Variants in ZNF573 observed in about 807,000 individuals in gnomAD.
The protein encoded by ZNF573 is zinc finger protein 573.
A neutral mutation model predicts 57.4 loss-of-function variants in ZNF573; 41 were observed. That is an observed-to-expected ratio of 0.71 (90% CI 0.56 to 0.93). The LOEUF (loss-of-function observed/expected upper bound fraction) is 0.93. ZNF573 is among the 40% of genes least tolerant of loss of function. ZNF573 has a pLI of 0.00. For missense variants in ZNF573, 730 were observed against 794.8 expected, an observed-to-expected ratio of 0.92 and a Z score of 0.98; for synonymous variants, 249 against 261.0, an observed-to-expected ratio of 0.95 and a Z score of 0.44.
At chr19:37,740,776 C>G (rs2045319854) in intron 4 of ZNF573, 1 of 326,424 alleles carries the variant, frequency 3.1e-6, no homozygotes, top group South Asian at 2.5e-5. Context: ...CCTGCAGATA[C>G]CAAAACCCAA....
At chr19:37,755,819 C>A (rs1213772534) in intron 4 of ZNF573, among the ~76,000 whole-genome samples, 1 of 120,076 alleles carries the variant, frequency 8.3e-6, no homozygotes, top group African/African-American at 3.0e-5. Flanking sequence ...AAAACAACTG[C>A]AAAATGGTTC....
chr19:37,770,295 A>C, intron 3 of ZNF573, 198 bp from the exon 4 acceptor site: 1 of 452,506 alleles, frequency 2.2e-6, no homozygotes, highest in Admixed American at 4.0e-5. Flanking sequence ...AGAAAGTTTA[A>C]CCTGTGACCT....
At chr19:37,768,419 T>G (rs2045621092) in intron 4 of ZNF573, among the ~76,000 whole-genome samples, 1 of 152,130 alleles carries the variant, frequency 6.6e-6, no homozygotes, top group Admixed American at 6.6e-5. Context: ...CCCTTGACTA[T>G]CCATACTCCT....
In ZNF573 at chr19:37,770,077, G is replaced by T; in HGVS notation, c.223C>A (p.Pro75Thr). Reference sequence around the variant, plus strand: ...CGCTCCAGTAAATCAACCACAACTGGTTTAGAAATGGAATGTCCTCCTTAT... The same window carrying T: ...CGCTCCAGTAAATCAACCACAACTGTTTTAGAAATGGAATGTCCTCCTTAT... ...VSLGGHSISK[P>T]VVVDLLERGK... The change falls in exon 4 of 5, where the codon CCA becomes ACA. Residue 75 changes from proline (P) to threonine (T), a missense_variant. By Grantham distance (38) the Pro-to-Thr change is conservative (BLOSUM62 -1). Coordinates refer to ENST00000536220, the MANE Select transcript of ZNF573 (RefSeq NM_001172690.2). 1 of 1,550,984 alleles carries T rather than the reference G, an allele frequency of 6.4e-7. No homozygotes were observed.
intron 2 of ZNF573, among the ~76,000 whole-genome samples, 176 bp from the exon 3 acceptor site, chr19:37,771,872 C>G (rs1048772086): frequency 9.2e-5 from 14 of 152,078 alleles, no homozygotes; most frequent in East Asian, 5.8e-4. Flanking sequence ...GGATCCTATT[C>G]CTAAAGGATC....
intron 2 of ZNF573, among the ~76,000 whole-genome samples, chr19:37,772,170 C>G (rs928032792): frequency 3.9e-5 from 6 of 152,056 alleles, no homozygotes; most frequent in Admixed American, 6.6e-5. Context: ...GGGTCTCACT[C>G]CTGCCCAGGC....
intron 2 of ZNF573, among the ~76,000 whole-genome samples, chr19:37,773,401 TC>T (rs758066559): frequency 3.3e-5 from 5 of 152,236 alleles, no homozygotes; most frequent in Non-Finnish European, 7.3e-5. Flanking sequence ...GAGACTTCAC[TC>T]CTTTACTGCT....
intron 4 of ZNF573, among the ~76,000 whole-genome samples, chr19:37,758,782 G>T (rs2045523074): frequency 6.6e-6 from 1 of 151,912 alleles, no homozygotes; most frequent in Non-Finnish European, 1.5e-5. Context: ...GTAATTCTTG[G>T]AAGTCAACAG....
intron 4 of ZNF573, among the ~76,000 whole-genome samples, chr19:37,746,613 T>C (rs2145285576): frequency 6.6e-6 from 1 of 152,128 alleles, no homozygotes; most frequent in Non-Finnish European, 1.5e-5. Flanking sequence ...GGAGTCTTGC[T>C]CTGTCGCCCA....
At chr19:37,763,374 G>T (rs1321981442) in intron 4 of ZNF573, among the ~76,000 whole-genome samples, 1 of 151,858 alleles carries the variant, frequency 6.6e-6, no homozygotes, top group Non-Finnish European at 1.5e-5. Flanking sequence ...CTTGAGGTCA[G>T]GAGTTCGAGA....
intron 4 of ZNF573, among the ~76,000 whole-genome samples, chr19:37,752,956 TG>T: frequency 6.6e-6 from 1 of 152,136 alleles, no homozygotes; most frequent in South Asian, 2.1e-4. Context: ...TGTAAACTTT[TG>T]TCTAACATTA....
intron 4 of ZNF573, among the ~76,000 whole-genome samples, chr19:37,761,278 G>T (rs925817477): frequency 1.1e-4 from 17 of 152,154 alleles, no homozygotes; most frequent in African/African-American, 3.9e-4. Flanking sequence ...GGGTGTAAAA[G>T]TTGGAGGAGA....
chr19:37,751,665 T>C (rs1443182615), intron 4 of ZNF573, among the ~76,000 whole-genome samples: 1 of 123,998 alleles, frequency 8.1e-6, no homozygotes, highest in Non-Finnish European at 1.8e-5. Context: ...ATAGACAGCA[T>C]ATATACTGTA....
Position 37,740,145 on chromosome 19 carries a change from A to T in ZNF573, c.345T>A (p.Tyr115Ter), listed in dbSNP as rs761772852. ...GTTGTGTAGAGGATATATCTGTTTC[A>T]TAAGTGGGTACTTCTATGTAGCTGA... ...EIISYIEVPT[Y>*]ETDISSTQLQ... is the part of the protein sequence containing the mutation. The change falls in exon 5 of 5, where the codon TAT becomes TAA. Residue 115 changes from tyrosine to a stop codon, truncating the protein, a stop_gained. Coordinates refer to ENST00000536220, the MANE Select transcript of ZNF573 (RefSeq NM_001172690.2). LOFTEE classifies it high-confidence loss of function. 6.2e-7 allele frequency: 1 copy of T among 1,608,864 alleles called. No individual in the cohort carries two copies. The highest frequency in any genetic ancestry group is 8.5e-7 in the Non-Finnish European group (1 of 1,176,826).
chr19:37,757,146 G>A (rs2045496111), intron 4 of ZNF573, among the ~76,000 whole-genome samples: 1 of 151,906 alleles, frequency 6.6e-6, no homozygotes, highest in African/African-American at 2.4e-5. Flanking sequence ...AAGGCTCCAA[G>A]TATCTCACCT....
At chr19:37,758,147 T>G (rs1428708819) in intron 4 of ZNF573, among the ~76,000 whole-genome samples, 1 of 141,030 alleles carries the variant, frequency 7.1e-6, no homozygotes, top group African/African-American at 2.7e-5. Context: ...CATGTATACA[T>G]ATGTAACAAA....
At chr19:37,773,584 G>C in intron 2 of ZNF573, 77 bp downstream of exon 2, 1 of 1,157,794 alleles carries the variant, frequency 8.6e-7, no homozygotes, top group Non-Finnish European at 1.2e-6. Flanking sequence ...TTCTTAAATA[G>C]GAAGCCTTAG....
chr19:37,768,095 TA>T (rs988042211), intron 4 of ZNF573, among the ~76,000 whole-genome samples: 24 of 151,886 alleles, frequency 1.6e-4, no homozygotes, highest in African/African-American at 2.7e-4. Context: ...TATATTAAAA[TA>T]AAAAAAAATT....
At chr19:37,765,033 G>C (rs1461736931) in intron 4 of ZNF573, among the ~76,000 whole-genome samples, 1 of 150,916 alleles carries the variant, frequency 6.6e-6, no homozygotes, top group Non-Finnish European at 1.5e-5. Flanking sequence ...AGCCTCCCCA[G>C]TAGCTGGAAT....
Sources: gnomAD v4.1 joint callset for allele counts (sites outside exome capture counted in the v4.1 genomes callset) on GRCh38, gnomAD v4.1.1 for gene constraint, MANE v1.5 for transcripts, NCBI Gene and HGNC (gene_info 2026-07-23, HGNC 2026-07-21) for gene names.